Variants in PRRX1 observed in about 807,000 individuals in gnomAD.
The protein encoded by PRRX1 is paired related homeobox 1.
PRRX1 carries 8 observed loss-of-function variants against 24.0 expected under a neutral mutation model. That is an observed-to-expected ratio of 0.33 (90% confidence interval 0.20 to 0.60). PRRX1 has a LOEUF of 0.60. PRRX1 is among the 20% of genes least tolerant of loss of function. PRRX1 has a pLI of 0.82. For synonymous variants in PRRX1, 160 were observed against 131.7 expected, an observed-to-expected ratio of 1.22 and a Z score of -1.47; for missense variants, 281 against 322.4, an observed-to-expected ratio of 0.87 and a Z score of 0.98.
intron 1 of PRRX1, among the ~76,000 whole-genome samples, chr1:170,702,682 C>T (rs1223213455): frequency 1.3e-5 from 2 of 152,254 alleles, no homozygotes; most frequent in East Asian, 3.9e-4. Flanking sequence ...CATGAGCACC[C>T]TCTAAAGGGT....
intron 1 of PRRX1, chr1:170,667,445 G>A (rs1172671924): frequency 1.3e-5 from 2 of 152,254 alleles, no homozygotes; most frequent in Non-Finnish European, 2.9e-5. Flanking sequence ...ATGAGAATGG[G>A]AGGGCCTGAC....
intron 1 of PRRX1, among the ~76,000 whole-genome samples, chr1:170,701,821 T>C (rs1295655339): frequency 1.3e-5 from 2 of 152,236 alleles, no homozygotes; most frequent in African/African-American, 2.4e-5. Flanking sequence ...TAATTATTAA[T>C]AGCATATCCA....
rs1453716808 is a variant in PRRX1 at position 170,726,346 on chromosome 1, C to T, written c.544C>T (p.Arg182Cys). 13 of 1,614,088 alleles carry T rather than the reference C, an allele frequency of 8.1e-6. No individual in the cohort carries two copies. Among genetic ancestry groups the T allele is most frequent in the South Asian group, 1.1e-5 (1 of 91,074 alleles). ...VTAVEQPIVP[R>C]PAPRPTDYLS... ...TGCTGTGGAGCAGCCCATCGTACCT[C>T]GTCCTGCTCCGAGACCCACCGATTA... is the stretch of plus-strand genomic sequence containing the variant. Residue 182 changes from arginine (R) to cysteine (C), a missense_variant, in exon 3 of 4, where the codon CGT becomes TGT. Physicochemically the swap from Arg to Cys is radical, Grantham distance 180 (BLOSUM62 -3). Coordinates refer to ENST00000239461, the MANE Select transcript of PRRX1 (RefSeq NM_022716.4).
At chr1:170,695,566 G>A (rs531800140) in intron 1 of PRRX1, among the ~76,000 whole-genome samples, 1 of 152,284 alleles carries the variant, frequency 6.6e-6, no homozygotes, top group East Asian at 1.9e-4. Context: ...ATAGAAGAGA[G>A]TATTTTCTTC....
chr1:170,714,236 G>T (rs931125912), intron 1 of PRRX1, among the ~76,000 whole-genome samples: 1 of 152,176 alleles, frequency 6.6e-6, no homozygotes, highest in Non-Finnish European at 1.5e-5. Flanking sequence ...ACGGTTTTTA[G>T]TGGCTTTTGC....
rs1282088171 is a variant in PRRX1 at position 170,719,852 on chromosome 1, T to C, written c.368T>C (p.Val123Ala). ...CGGACACACTATCCTGATGCTTTTG[T>C]GCGAGAAGACCTTGCCCGCCGGGTG... ...FERTHYPDAFVREDLARRVNL... is the reference protein window; with the variant it reads ...FERTHYPDAFAREDLARRVNL... Residue 123 changes from valine to alanine, a missense_variant, in exon 2 of 4, where the codon GTG becomes GCG. Transcript: ENST00000239461. The C allele has an allele frequency of 1.1e-5, 17 of 1,614,064 alleles. No individual in the cohort carries two copies. The highest frequency in any genetic ancestry group is 1.4e-5 in the Non-Finnish European group (16 of 1,180,052).
At chr1:170,665,257 C>A (rs1304043689) in intron 1 of PRRX1, among the ~76,000 whole-genome samples, 1 of 152,254 alleles carries the variant, frequency 6.6e-6, no homozygotes, top group Non-Finnish European at 1.5e-5. Context: ...TAGAGGAGCT[C>A]TCCCTATTGG....
intron 1 of PRRX1, among the ~76,000 whole-genome samples, chr1:170,703,894 A>T (rs1336380669): frequency 6.6e-6 from 1 of 152,250 alleles, no homozygotes; most frequent in African/African-American, 2.4e-5. Context: ...AGACATCATG[A>T]AAATATACAG....
intron 3 of PRRX1, among the ~76,000 whole-genome samples, chr1:170,735,709 A>T (rs1342133989): frequency 6.6e-6 from 1 of 152,158 alleles, no homozygotes; most frequent in Non-Finnish European, 1.5e-5. Context: ...TACTGTTTTA[A>T]TAAGTCAGCT....
At chr1:170,667,321 C>T (rs1247953884) in intron 1 of PRRX1, 2 of 153,000 alleles carry the variant, frequency 1.3e-5, no homozygotes, top group African/African-American at 2.4e-5. Flanking sequence ...CACACACACA[C>T]ACACACACAC....
chr1:170,709,581 T>A lies in PRRX1; in HGVS notation c.242-10145T>A, dbSNP rs572308616. Among the ~76,000 whole-genome samples the A allele has an allele frequency of 7.9e-5, 12 of 151,304 alleles. No individual in the cohort carries two copies. The South Asian group carries it at 2.3e-3, about 29-fold the overall frequency. ...ATGGTCACCAAGTGTACTGGAATAT[T>A]TTTTTTTTCTACTATTACTTTACTT... On this transcript the variant is annotated intron_variant, in intron 1 of 3. Coordinates refer to ENST00000239461, the MANE Select transcript of PRRX1 (RefSeq NM_022716.4).
intron 1 of PRRX1, among the ~76,000 whole-genome samples, chr1:170,680,302 G>A (rs893504548): frequency 2.0e-5 from 3 of 152,300 alleles, no homozygotes; most frequent in South Asian, 2.1e-4. Context: ...AGCAGGATAA[G>A]TATGATTTTA....
chr1:170,672,630 C>A (rs907602786), intron 1 of PRRX1, among the ~76,000 whole-genome samples: 2 of 152,184 alleles, frequency 1.3e-5, no homozygotes, highest in South Asian at 2.1e-4. Flanking sequence ...AAAGAGAATT[C>A]ATATATACAA....
chr1:170,697,686 A>G (rs1164544466), intron 1 of PRRX1, among the ~76,000 whole-genome samples: 1 of 148,080 alleles, frequency 6.8e-6, no homozygotes, highest in East Asian at 1.9e-4. Flanking sequence ...ATGCATATAT[A>G]TACATATACA....
chr1:170,736,776 GA>G lies in PRRX1; in HGVS notation c.*596del. The stretch of plus-strand genomic sequence containing the variant: ...TGGTAAGGTTTTTCCATCAGCCTCT[GA>G]AAAAATAGTTGTGCACAACATCTGC... On this transcript the variant is annotated 3_prime_UTR_variant, in exon 4 of 4. Transcript: ENST00000239461. 1 of 191,008 alleles carries G rather than the reference GA, an allele frequency of 5.2e-6. No individual in the cohort carries two copies. The highest frequency in any genetic ancestry group is 1.1e-5 in the Non-Finnish European group (1 of 91,058). The allele number at this position is 191,008 out of a possible 1,614,324, so 11.8% of individuals were successfully genotyped here.
rs1655693035 is a variant in PRRX1, at chr1:170,738,428, A to G, written c.*2242A>G. 1 of 227,142 alleles carries G rather than the reference A, an allele frequency of 4.4e-6. No individual in the cohort carries two copies. The highest frequency in any genetic ancestry group is 8.7e-6 in the Non-Finnish European group (1 of 114,328). 14.1% of individuals were successfully genotyped at this position (227,142 alleles called of 1,614,324 possible). A position where few individuals can be genotyped will look rare whatever the true frequency, so the allele number is the denominator to read the frequency against. On this transcript the variant is annotated 3_prime_UTR_variant, in exon 4 of 4. Coordinates refer to ENST00000239461, the MANE Select transcript of PRRX1 (RefSeq NM_022716.4). Reference sequence around the variant, plus strand: ...TGATTCCTTCTTCTTTTAGCCCACTATTAAAACATTTCTTACTGAATGGTT... The same window carrying G: ...TGATTCCTTCTTCTTTTAGCCCACTGTTAAAACATTTCTTACTGAATGGTT...
chr1:170,669,322 T>A (rs764625687), intron 1 of PRRX1: 4 of 150,388 alleles, frequency 2.7e-5, no homozygotes, highest in Non-Finnish European at 5.9e-5. Flanking sequence ...ACACGGGTCC[T>A]TATAGTTCCT....
At chr1:170,665,935 A>C (rs1243037171) in intron 1 of PRRX1, among the ~76,000 whole-genome samples, 2 of 152,258 alleles carry the variant, frequency 1.3e-5, no homozygotes, top group Non-Finnish European at 2.9e-5. Flanking sequence ...ATGAAGAACC[A>C]GGTGTCCTCA....
intron 3 of PRRX1, chr1:170,730,413 T>TAAACAACATC: frequency 7.3e-7 from 1 of 1,365,592 alleles, no homozygotes; most frequent in Non-Finnish European, 1.0e-6. Context: ...ATTCAGAGTG[T>TAAACAACATC]TTAAGAAAGT....
Sources: gnomAD v4.1 joint callset for allele counts (sites outside exome capture counted in the v4.1 genomes callset) on GRCh38, gnomAD v4.1.1 for gene constraint, MANE v1.5 for transcripts, NCBI Gene and HGNC (gene_info 2026-07-23, HGNC 2026-07-21) for gene names.